KANK1: variants seen among roughly 807,000 people sequenced by gnomAD.
KANK1 encodes KN motif and ankyrin repeat domains 1.
Under a neutral mutation model 106.2 loss-of-function variants are expected in KANK1, and 109 were observed. That is an observed-to-expected ratio of 1.03 (90% CI 0.88 to 1.20). The LOEUF (loss-of-function observed/expected upper bound fraction) is 1.20, where lower values mean the gene tolerates loss of function less well. Among genes scored for constraint, KANK1 ranks in the 50% most tolerant of loss-of-function variants. The pLI is 0.00. For missense variants in KANK1, 2,399 were observed against 1,710.7 expected (o/e 1.40, Z -7.10); for synonymous variants, 873 against 652.2 (o/e 1.34, Z -5.16).
At chr9:697,913 A>G (rs1254741446) in intron 2 of KANK1, among the ~76,000 whole-genome samples, 1 of 152,128 alleles carries the variant, frequency 6.6e-6, no homozygotes, top group African/African-American at 2.4e-5. Context: ...CTAGATATGT[A>G]TTTATCTCAG....
intron 10 of KANK1, among the ~76,000 whole-genome samples, chr9:743,289 C>T (rs181988995): frequency 3.2e-4 from 49 of 152,250 alleles, no homozygotes; most frequent in South Asian, 6.2e-4. Flanking sequence ...GAAAAACCAG[C>T]GGAGTTTTTC....
Position 602,629 on chromosome 9 carries a change from A to G in KANK1, c.-83-74261A>G, listed in dbSNP as rs112338977. Among the ~76,000 whole-genome samples the G allele has an allele frequency of 6.5e-3, 985 of 151,936 alleles. 12 individuals are homozygous for G. The highest frequency in any genetic ancestry group is 0.01 in the Non-Finnish European group (687 of 68,024). ...TAAATACCTGGATTTACAATGTGTA[A>G]CTACAGATTCATCATCCTATAATAA... is the stretch of plus-strand genomic sequence containing the variant. On this transcript the variant is annotated intron_variant, in intron 1 of 11. Coordinates refer to ENST00000382297, the MANE Select transcript of KANK1 (RefSeq NM_015158.5).
chr9:579,180 CTCCACGTAGCCT>C (rs1156733222), intron 1 of KANK1, among the ~76,000 whole-genome samples: 3 of 152,106 alleles, frequency 2.0e-5, no homozygotes, highest in African/African-American at 4.8e-5. Flanking sequence ...GGCTGGTGCC[CTCCACGTAGCCT>C]TCCCCGACCC....
At chr9:486,489 C>T (rs1010898339) in intron 3 of KANK1, among the ~76,000 whole-genome samples, 7 of 152,136 alleles carry the variant, frequency 4.6e-5, no homozygotes, top group African/African-American at 7.2e-5. Flanking sequence ...TTATTATTCT[C>T]ATTTTACAGA....
At chr9:501,604 GCA>G (rs992467131), upstream of KANK1, among the ~76,000 whole-genome samples, 68 of 132,742 alleles carry the variant, frequency 5.1e-4, no homozygotes, top group African/African-American at 2.3e-3. Flanking sequence ...ATTCGCCCAC[GCA>G]CAGACATACA....
chr9:504,942 G>C (rs1007304961), intron 1 of KANK1, among the ~76,000 whole-genome samples, 188 bp downstream of exon 1: 3 of 150,666 alleles, frequency 2.0e-5, no homozygotes, highest in African/African-American at 7.3e-5. Flanking sequence ...GGTGAACCCG[G>C]CGGCCTCGGG....
intron 3 of KANK1, among the ~76,000 whole-genome samples, chr9:715,424 C>G (rs183887092): frequency 1.4e-3 from 217 of 152,346 alleles, no homozygotes; most frequent in African/African-American, 5.0e-3. Context: ...CTTCCTCCCT[C>G]CTCCCCAAAC....
At chr9:629,431 T>G (rs1461778389) in intron 1 of KANK1, among the ~76,000 whole-genome samples, 3 of 152,208 alleles carry the variant, frequency 2.0e-5, no homozygotes, top group African/African-American at 7.2e-5. Flanking sequence ...TTAATAAATA[T>G]TTCTACGTGT....
intron 1 of KANK1, among the ~76,000 whole-genome samples, chr9:541,952 G>A (rs933389179): frequency 1.3e-5 from 2 of 151,164 alleles, no homozygotes; most frequent in African/African-American, 4.8e-5. Flanking sequence ...AGCCGGGCGT[G>A]GTAGCGGGCC....
intron 2 of KANK1, among the ~76,000 whole-genome samples, chr9:697,545 T>C (rs536607173): frequency 5.1e-4 from 77 of 152,282 alleles, no homozygotes; most frequent in Middle Eastern, 6.8e-3. Context: ...TCTTAGTCTT[T>C]AGTAGGAAAT....
chr9:651,310 A>G (rs2137569070), intron 1 of KANK1, among the ~76,000 whole-genome samples: 1 of 152,224 alleles, frequency 6.6e-6, no homozygotes, highest in South Asian at 2.1e-4. Context: ...AAGAAAATCT[A>G]GTTTGTTTCA....
At chr9:484,920 C>G (rs542087635) in intron 3 of KANK1, among the ~76,000 whole-genome samples, 4 of 147,984 alleles carry the variant, frequency 2.7e-5, no homozygotes, top group African/African-American at 1.1e-4. Context: ...GCTTTGACAT[C>G]TGCCATGGAG....
At chr9:583,415 C>G (rs1237782214) in intron 1 of KANK1, among the ~76,000 whole-genome samples, 1 of 152,102 alleles carries the variant, frequency 6.6e-6, no homozygotes, top group African/African-American at 2.4e-5. Context: ...CCACTCATGA[C>G]TTTACCTGCA....
intron 1 of KANK1, among the ~76,000 whole-genome samples, chr9:636,503 G>A (rs1837170698): frequency 6.6e-6 from 1 of 152,182 alleles, no homozygotes; most frequent in Non-Finnish European, 1.5e-5. Flanking sequence ...GGCTCAGTCA[G>A]TTCCCATCAA....
intron 3 of KANK1, among the ~76,000 whole-genome samples, chr9:498,111 G>T (rs956789110): frequency 1.3e-5 from 2 of 152,144 alleles, no homozygotes; most frequent in Non-Finnish European, 2.9e-5. Flanking sequence ...TGTGAGGTTT[G>T]ATCCTTACTG....
chr9:649,341 C>G (rs774744752), intron 1 of KANK1, among the ~76,000 whole-genome samples: 1 of 152,112 alleles, frequency 6.6e-6, no homozygotes, highest in Non-Finnish European at 1.5e-5. Flanking sequence ...TTAACACCCT[C>G]GAAAGCGTCC....
intron 1 of KANK1, among the ~76,000 whole-genome samples, chr9:662,829 T>C (rs1456173886): frequency 6.6e-6 from 1 of 151,956 alleles, no homozygotes; most frequent in Non-Finnish European, 1.5e-5. Flanking sequence ...GCCTGGCTAA[T>C]TTTTGTATTT....
At chr9:512,574 T>C (rs2059082289) in intron 1 of KANK1, among the ~76,000 whole-genome samples, 1 of 152,162 alleles carries the variant, frequency 6.6e-6, no homozygotes, top group Admixed American at 6.5e-5. Flanking sequence ...CATACCCTGC[T>C]ACGAGCACCT....
chr9:599,757 C>G (rs886344523), intron 1 of KANK1, among the ~76,000 whole-genome samples: 1 of 151,834 alleles, frequency 6.6e-6, no homozygotes, highest in Non-Finnish European at 1.5e-5. Context: ...AGAGAATTGA[C>G]TTTTCATATA....
Sources: allele counts gnomAD v4.1 joint callset (sites outside exome capture counted in the v4.1 genomes callset), GRCh38; gene constraint gnomAD v4.1.1; transcripts MANE v1.5; gene names NCBI Gene and HGNC (gene_info 2026-07-23, HGNC 2026-07-21).